The following MYT1L variants were observed in gnomAD, a reference collection of about 807,000 sequenced individuals.
The protein encoded by MYT1L is myelin transcription factor 1 like.
A neutral mutation model predicts 126.7 loss-of-function variants in MYT1L; 12 were observed. That is an observed-to-expected ratio of 0.09 (90% CI 0.06 to 0.15). The LOEUF is 0.15. MYT1L is among the 10% of genes least tolerant of loss of function. MYT1L has a pLI of 1.00. For synonymous variants in MYT1L, 541 were observed against 604.2 expected (o/e 0.90, Z 1.53); for missense variants, 979 against 1,585.2 (o/e 0.62, Z 6.49).
At chr2:2,211,148 A>G (rs566756454) in intron 2 of MYT1L, among the ~76,000 whole-genome samples, 31 of 152,342 alleles carry the variant, frequency 2.0e-4, no homozygotes, top group African/African-American at 6.5e-4. Context: ...TTCCAAATAT[A>G]AAATCATATC....
rs1452099927 is a variant in MYT1L, at chr2:1,839,386, G to A, written c.2859-16C>T. 6.2e-7 allele frequency: 1 copy of A among 1,605,006 alleles called. No homozygotes were observed. On this transcript the variant is annotated splice_polypyrimidine_tract_variant and intron_variant, in intron 20 of 24. Coordinates refer to ENST00000647738, the MANE Select transcript of MYT1L (RefSeq NM_001303052.2). ...GACCGGACACCTGTAGGCAGGCAGA[G>A]GTGACACACTTTATTGTCTGGCCAC...
chr2:1,919,724 A>C (rs766298553), intron 10 of MYT1L, among the ~76,000 whole-genome samples: 6 of 151,324 alleles, frequency 4.0e-5, no homozygotes, highest in Non-Finnish European at 7.4e-5. Flanking sequence ...AATTTAATTT[A>C]ATTTAATATT....
At chr2:2,082,818 T>C (rs1297007926) in intron 3 of MYT1L, among the ~76,000 whole-genome samples, 1 of 152,214 alleles carries the variant, frequency 6.6e-6, no homozygotes, top group East Asian at 1.9e-4. Context: ...GGCTTTCAGA[T>C]ATGCTGGTCA....
In MYT1L at chr2:1,973,376, A is replaced by AT. The variant is rs796271298; in HGVS notation, c.152+5788dup. On this transcript the variant is annotated intron_variant, in intron 8 of 24. Transcript: ENST00000647738. ...AGGATTTCAGAACAGCAAGTTGACC[A>AT]TTATTTTGATGATTAAATTTCGTTT... Among the ~76,000 whole-genome samples the AT allele has an allele frequency of 6.6e-5, 10 of 152,338 alleles. No homozygotes were observed. In the East Asian group the frequency reaches 1.3e-3, roughly 21 times the overall value.
chr2:2,180,398 A>C (rs560358185), intron 2 of MYT1L, among the ~76,000 whole-genome samples: 1 of 151,808 alleles, frequency 6.6e-6, no homozygotes, highest in African/African-American at 2.4e-5. Flanking sequence ...ATCAGGAAAG[A>C]AGACGAGAGA....
chr2:2,199,028 T>C (rs1016971987), intron 2 of MYT1L, among the ~76,000 whole-genome samples: 1 of 151,308 alleles, frequency 6.6e-6, no homozygotes, highest in Non-Finnish European at 1.5e-5. Context: ...ACCAAAGGAG[T>C]GAAAGGTCAA....
intron 18 of MYT1L, among the ~76,000 whole-genome samples, chr2:1,880,258 G>A (rs2047366347): frequency 6.6e-6 from 1 of 152,192 alleles, no homozygotes; most frequent in South Asian, 2.1e-4. Context: ...ATATGCTGAC[G>A]CTGCCAAAGT....
At chr2:2,103,562 G>A (rs775525490) in intron 3 of MYT1L, among the ~76,000 whole-genome samples, 6 of 152,206 alleles carry the variant, frequency 3.9e-5, no homozygotes, top group African/African-American at 9.6e-5. Flanking sequence ...GTGCCACAGC[G>A]TCAGCTTAAA....
At chr2:2,210,267 G>A (rs140023824) in intron 2 of MYT1L, among the ~76,000 whole-genome samples, 217 of 152,184 alleles carry the variant, frequency 1.4e-3, no homozygotes, top group African/African-American at 4.8e-3. Flanking sequence ...CCCATTTGTC[G>A]ATTTCTGCTT....
chr2:2,012,561 G>A (rs1403621806), intron 4 of MYT1L, among the ~76,000 whole-genome samples: 4 of 152,260 alleles, frequency 2.6e-5, no homozygotes, highest in Admixed American at 6.5e-5. Context: ...TCATAGGCCC[G>A]CTTATTTGTG....
intron 3 of MYT1L, among the ~76,000 whole-genome samples, chr2:2,164,755 G>A (rs2088736674): frequency 6.6e-6 from 1 of 152,184 alleles, no homozygotes; most frequent in Admixed American, 6.5e-5. Context: ...CGATAGACAT[G>A]GTTTTCAGAA....
chr2:1,857,268 A>G (rs1232128174), intron 18 of MYT1L, among the ~76,000 whole-genome samples: 1 of 152,342 alleles, frequency 6.6e-6, no homozygotes, highest in Admixed American at 6.5e-5. Context: ...ACAATCTCTC[A>G]TCTTGATTGA....
In MYT1L at chr2:1,956,155, T is replaced by C. The variant is rs187298022; in HGVS notation, c.153-12821A>G. On this transcript the variant is annotated intron_variant, in intron 8 of 24. Coordinates refer to ENST00000647738, the MANE Select transcript of MYT1L (RefSeq NM_001303052.2). ...CCTACCTATGTCTATCTACCTATTT[T>C]ACCATCTATCTGTCTGCCTGTTCAT... is the stretch of plus-strand genomic sequence containing the variant. Among the ~76,000 whole-genome samples, 4 of 151,770 alleles carry C rather than the reference T, an allele frequency of 2.6e-5. No individual in the cohort carries two copies. In the East Asian group the frequency reaches 7.8e-4, roughly 30 times the overall value.
intron 18 of MYT1L, among the ~76,000 whole-genome samples, chr2:1,858,365 A>ATTCGACTGC (rs2044171462): frequency 6.6e-6 from 1 of 151,530 alleles, no homozygotes; most frequent in Admixed American, 6.6e-5. Flanking sequence ...GATCCTCTGC[A>ATTCGACTGC]TCCGACTGCT....
rs60572138 is a variant in MYT1L at position 2,319,758 on chromosome 2, C to CAT, written c.-521+11207_-521+11208dup. On this transcript the variant is annotated intron_variant, in intron 1 of 24. Transcript: ENST00000647738. ...ATGATTACCCTTTATCAGAAATATGCATATATATATATATATATATGCACA... is the reference window on the plus strand; with the variant it reads ...ATGATTACCCTTTATCAGAAATATGCATATATATATATATATATATATGCACA... 7.1e-3 allele frequency among the ~76,000 whole-genome samples: 1,040 copies of CAT among 147,084 alleles called. 11 individuals are homozygous for CAT. The highest frequency in any genetic ancestry group is 0.053 in the East Asian group (261 of 4,964).
chr2:2,307,978 G>T (rs1335791973), intron 1 of MYT1L, among the ~76,000 whole-genome samples: 2 of 151,428 alleles, frequency 1.3e-5, no homozygotes, highest in East Asian at 3.9e-4. Context: ...CTATGCTTCA[G>T]CACACTCTAC....
chr2:2,217,113 C>T (rs1475693267), intron 2 of MYT1L, among the ~76,000 whole-genome samples: 2 of 152,140 alleles, frequency 1.3e-5, no homozygotes, highest in Admixed American at 1.3e-4. Context: ...ATGAATAATA[C>T]AAATTCTTTC....
intron 3 of MYT1L, among the ~76,000 whole-genome samples, chr2:2,113,976 T>C (rs2079855901): frequency 6.6e-6 from 1 of 151,674 alleles, no homozygotes; most frequent in African/African-American, 2.4e-5. Context: ...AAAACATTAC[T>C]GCCTCCATTA....
chr2:2,080,305 A>G (rs1053118298), intron 3 of MYT1L, among the ~76,000 whole-genome samples: 1 of 151,628 alleles, frequency 6.6e-6, no homozygotes, highest in Non-Finnish European at 1.5e-5. Flanking sequence ...GGGATAAGAG[A>G]AAAAAAAAGC....
Sources: gnomAD v4.1 joint callset for allele counts (sites outside exome capture counted in the v4.1 genomes callset) on GRCh38, gnomAD v4.1.1 for gene constraint, MANE v1.5 for transcripts, NCBI Gene and HGNC (gene_info 2026-07-23, HGNC 2026-07-21) for gene names.